Variants in STAU1 observed in about 807,000 individuals in gnomAD.
The protein encoded by STAU1 is staufen double-stranded RNA binding protein 1, also known as double-stranded RNA-binding protein Staufen homolog 1.
STAU1 carries 13 observed loss-of-function variants against 62.9 expected under a neutral mutation model. The ratio of observed to expected loss-of-function variants is 0.21; its 90% CI spans 0.13 to 0.33. STAU1 has a LOEUF of 0.33. Among genes scored for constraint, STAU1 ranks in the 10% least tolerant of loss-of-function variants. The pLI, the probability that STAU1 is intolerant of heterozygous loss-of-function variation, is 1.00. For missense variants in STAU1, 571 were observed against 712.1 expected (o/e 0.80, Z 2.25); for synonymous variants, 269 against 265.1 (o/e 1.01, Z -0.14).
intron 5 of STAU1, 129 bp downstream of exon 5, chr20:49,151,453 G>A (rs1428535716): frequency 3.0e-5 from 28 of 934,204 alleles, no homozygotes; most frequent in Non-Finnish European, 4.1e-5. Context: ...ATAAAATCTT[G>A]GAGGCATTCA....
At chr20:49,191,339 C>T (rs150570554), upstream of STAU1, among the ~76,000 whole-genome samples, 1 of 152,104 alleles carries the variant, frequency 6.6e-6, no homozygotes, top group East Asian at 1.9e-4. Context: ...TTATCTGTTC[C>T]ACTCTCATAG....
intron 2 of STAU1, among the ~76,000 whole-genome samples, chr20:49,172,303 T>C (rs1196075731): frequency 6.6e-6 from 1 of 152,202 alleles, no homozygotes; most frequent in Non-Finnish European, 1.5e-5. Flanking sequence ...AAGCCTTATT[T>C]TCTTTTCTAG....
At chr20:49,203,348 C>T in the STAU1 span, among the ~76,000 whole-genome samples, 9 of 152,166 alleles carry the variant, frequency 5.9e-5, no homozygotes, top group South Asian at 8.3e-4. Flanking sequence ...TCGCTTGACC[C>T]GGGGAGGCAG....
At chr20:49,194,665 C>T in the STAU1 span, among the ~76,000 whole-genome samples, 1 of 152,074 alleles carries the variant, frequency 6.6e-6, no homozygotes, top group Non-Finnish European at 1.5e-5. Context: ...GCAACCTCCA[C>T]CTCCTGGGTT....
intron 5 of STAU1, among the ~76,000 whole-genome samples, chr20:49,136,704 CT>C (rs797001297): frequency 7.6e-4 from 112 of 147,814 alleles, no homozygotes; most frequent in Non-Finnish European, 1.3e-3. Context: ...CTGGAAACCA[CT>C]TTTTTTTTTT....
intron 5 of STAU1, among the ~76,000 whole-genome samples, chr20:49,150,858 G>A (rs1194749394): frequency 1.3e-5 from 2 of 152,106 alleles, no homozygotes; most frequent in African/African-American, 4.8e-5. Context: ...ACATGAAGAA[G>A]TATAAGCAAT....
At chr20:49,186,977 G>C (rs1318915541) in intron 1 of STAU1, among the ~76,000 whole-genome samples, 1 of 152,090 alleles carries the variant, frequency 6.6e-6, no homozygotes, top group Non-Finnish European at 1.5e-5. Context: ...ACGGAGGCGG[G>C]GCAAGGGCTT....
At chr20:49,141,207 C>A (rs1208779766) in intron 5 of STAU1, among the ~76,000 whole-genome samples, 1 of 152,116 alleles carries the variant, frequency 6.6e-6, no homozygotes, top group Non-Finnish European at 1.5e-5. Context: ...CAGAAAAGTA[C>A]AGATAATAAC....
In STAU1 at chr20:49,145,401, G is replaced by A. The variant is rs539349590; in HGVS notation, c.510+6181C>T. Among the ~76,000 whole-genome samples the A allele has an allele frequency of 9.2e-5, 11 of 119,726 alleles. No homozygotes were observed. The South Asian group carries it at 1.2e-3, about 13-fold the overall frequency. 78.5% of individuals were successfully genotyped at this position (119,726 alleles called of 152,430 possible). A position where few individuals can be genotyped will look rare whatever the true frequency, so the allele number is the denominator to read the frequency against. Reference sequence around the variant, plus strand: ...ATTACACCACTGCACTCCAGCCTGGGCAACAAAGCGAGACTCCGTCTCAAA... The same window carrying A: ...ATTACACCACTGCACTCCAGCCTGGACAACAAAGCGAGACTCCGTCTCAAA... On this transcript the variant is annotated intron_variant, in intron 5 of 13. Transcript: ENST00000371856.
At chr20:49,143,997 G>A (rs990337550) in intron 5 of STAU1, among the ~76,000 whole-genome samples, 3 of 152,174 alleles carry the variant, frequency 2.0e-5, no homozygotes, top group Non-Finnish European at 2.9e-5. Context: ...CAGATTCTTC[G>A]TGTACTGGCA....
the STAU1 span, among the ~76,000 whole-genome samples, chr20:49,198,605 A>G: frequency 9.9e-5 from 15 of 152,132 alleles, no homozygotes; most frequent in Admixed American, 9.8e-4. Flanking sequence ...CAAGACAGAC[A>G]GATCACTTGA....
chr20:49,178,910 A>T (rs147592136), intron 1 of STAU1, among the ~76,000 whole-genome samples: 1 of 12,596 alleles, frequency 7.9e-5, no homozygotes, highest in East Asian at 1.1e-3. Flanking sequence ...CGTCTCCACT[A>T]AAAAAAAAAA....
intron 5 of STAU1, among the ~76,000 whole-genome samples, chr20:49,151,158 G>A (rs1474429495): frequency 2.0e-5 from 3 of 152,136 alleles, no homozygotes; most frequent in Non-Finnish European, 4.4e-5. Context: ...AAAGGTAACT[G>A]GCGCTTCTAT....
At position 49,166,085 on chromosome 20, in the gene STAU1, A is replaced by C; in HGVS notation, c.117T>G (p.Thr39=). The change falls in exon 3 of 14, where the codon ACT becomes ACG. Residue 39 remains threonine (T), a synonymous_variant. Transcript: ENST00000371856. ...SQPLMSIPST[T]SSLPSENAGR... is the part of the protein sequence containing the mutation. The stretch of plus-strand genomic sequence containing the variant: ...CTGCATTTTCAGAGGGCAGAGAGCT[A>C]GTAGTAGAAGGAATACTCATCAAAG... 1 of 1,614,212 alleles carries C rather than the reference A, an allele frequency of 6.2e-7. No individual in the cohort carries two copies.
rs746423926 is a variant in STAU1, at chr20:49,153,924, A to AC, written c.344+8_344+9insG. Reference sequence around the variant, plus strand: ...TATTTTACAAAAAAAAAAAAAAAAAAACACATACCTCGGGGGATAAGCACC... The same window carrying AC: ...TATTTTACAAAAAAAAAAAAAAAAAACACACATACCTCGGGGGATAAGCACC... On this transcript the variant is annotated intron_variant, in intron 4 of 13. Coordinates refer to ENST00000371856, the MANE Select transcript of STAU1 (RefSeq NM_017453.4). 3.2e-4 allele frequency: 484 copies of AC among 1,533,066 alleles called. No individual in the cohort carries two copies. Among genetic ancestry groups the AC allele is most frequent in the South Asian group, 1.3e-3 (101 of 79,782 alleles). The allele number at this position is 1,533,066 out of a possible 1,614,324, so 95.0% of individuals were successfully genotyped here.
chr20:49,141,315 A>G (rs890799354), intron 5 of STAU1, among the ~76,000 whole-genome samples: 1 of 150,096 alleles, frequency 6.7e-6, no homozygotes, highest in Non-Finnish European at 1.5e-5. Context: ...TGAGCCACGC[A>G]TGGTGGCTCA....
intron 1 of STAU1, among the ~76,000 whole-genome samples, chr20:49,187,773 A>AG: frequency 4.9e-5 from 1 of 20,320 alleles, no homozygotes; most frequent in East Asian, 1.2e-3. Flanking sequence ...TGAAGCAGGG[A>AG]CCCCCCCCCC....
intron 5 of STAU1, among the ~76,000 whole-genome samples, chr20:49,142,308 G>A (rs1272560049): frequency 6.6e-6 from 1 of 151,868 alleles, no homozygotes. Flanking sequence ...GGCTGATCTC[G>A]AACTCCTGAC....
the STAU1 span, among the ~76,000 whole-genome samples, chr20:49,195,553 A>C: frequency 7.4e-6 from 1 of 134,800 alleles, no homozygotes; most frequent in African/African-American, 2.7e-5. Context: ...AAAAAAAAAA[A>C]AAAAAAAAGA....
Sources: allele counts gnomAD v4.1 joint callset (sites outside exome capture counted in the v4.1 genomes callset), GRCh38; gene constraint gnomAD v4.1.1; transcripts MANE v1.5; gene names NCBI Gene and HGNC (gene_info 2026-07-23, HGNC 2026-07-21).